NUF2: variants seen among roughly 807,000 people sequenced by gnomAD.
The protein encoded by NUF2 is kinetochore protein Nuf2.
NUF2 carries 34 observed loss-of-function variants against 61.8 expected under a neutral mutation model. That is an observed-to-expected ratio of 0.55 (90% CI 0.42 to 0.73). The LOEUF is 0.73. Ranked by LOEUF, NUF2 falls within the 30% of genes least tolerant of loss-of-function variation. The pLI, the probability that NUF2 is intolerant of heterozygous loss-of-function variation, is 0.00. For synonymous variants in NUF2, 172 were observed against 181.6 expected (o/e 0.95, Z 0.42); for missense variants, 445 against 539.1 (o/e 0.83, Z 1.73).
At chr1:163,333,649 A>G (rs1034465818) in intron 5 of NUF2, among the ~76,000 whole-genome samples, 2 of 152,158 alleles carry the variant, frequency 1.3e-5, no homozygotes, top group African/African-American at 4.8e-5. Context: ...TATCTTTAAC[A>G]TACCATTGTC....
chr1:163,339,254 A>G (rs1650860301), intron 7 of NUF2, 127 bp from the exon 8 acceptor site: 4 of 609,284 alleles, frequency 6.6e-6, no homozygotes, highest in Non-Finnish European at 1.2e-5. Flanking sequence ...TGATTGCCAC[A>G]TGAAAGGGTG....
intron 1 of NUF2, among the ~76,000 whole-genome samples, chr1:163,324,901 T>TTTTCTTTC (rs1650365849): frequency 2.5e-5 from 2 of 80,248 alleles, no homozygotes; most frequent in Non-Finnish European, 5.6e-5. Flanking sequence ...CTTTTCTTTC[T>TTTTCTTTC]TTTTTTTTTT....
At chr1:163,353,236 A>G (rs147655746) in intron 13 of NUF2, among the ~76,000 whole-genome samples, 4 of 142,234 alleles carry the variant, frequency 2.8e-5, no homozygotes, top group South Asian at 2.5e-4. Flanking sequence ...AGTGCTACTT[A>G]TACAAAGTAC....
intron 12 of NUF2, 107 bp downstream of exon 12, chr1:163,348,045 C>A: frequency 1.3e-6 from 1 of 741,848 alleles, no homozygotes; most frequent in South Asian, 2.8e-5. Context: ...AGAGTTTAAA[C>A]AGCTTTATCT....
intron 5 of NUF2, among the ~76,000 whole-genome samples, chr1:163,330,542 G>A (rs1650559908): frequency 6.6e-6 from 1 of 151,834 alleles, no homozygotes; most frequent in Admixed American, 6.6e-5. Flanking sequence ...GGCTATTCTG[G>A]TCCTTTGCAT....
intron 13 of NUF2, among the ~76,000 whole-genome samples, chr1:163,354,910 A>G (rs772898535): frequency 5.9e-5 from 9 of 152,064 alleles, no homozygotes; most frequent in Non-Finnish European, 1.2e-4. Context: ...GTATTAATAT[A>G]TTCTTCAGTC....
chr1:163,341,623 T>TTATG (rs758767777), intron 9 of NUF2, among the ~76,000 whole-genome samples: 116 of 152,122 alleles, frequency 7.6e-4, no homozygotes, highest in Non-Finnish European at 1.2e-3. Flanking sequence ...TTTATTTATT[T>TTATG]TATTTATTTA....
chr1:163,348,573 A>G (rs1402014411), intron 12 of NUF2, among the ~76,000 whole-genome samples: 1 of 152,148 alleles, frequency 6.6e-6, no homozygotes, highest in Non-Finnish European at 1.5e-5. Context: ...TTTGTTGCCA[A>G]ACTGCCTTGT....
At chr1:163,338,961 G>A (rs148381955) in intron 7 of NUF2, among the ~76,000 whole-genome samples, 377 of 152,206 alleles carry the variant, frequency 2.5e-3, no homozygotes, top group African/African-American at 8.8e-3. Flanking sequence ...ATTTGAAAAC[G>A]TTCTTATAGA....
At chr1:163,337,567 T>C (rs1306225136) in intron 6 of NUF2, among the ~76,000 whole-genome samples, 1 of 152,082 alleles carries the variant, frequency 6.6e-6, no homozygotes, top group Non-Finnish European at 1.5e-5. Context: ...TGTGCCAACA[T>C]ACACACACTC....
intron 2 of NUF2, 138 bp downstream of exon 2, chr1:163,326,312 ACCTAGC>A: frequency 4.9e-5 from 33 of 666,816 alleles, no homozygotes; most frequent in Non-Finnish European, 7.0e-5. Context: ...AGAATCTCTC[ACCTAGC>A]ATAATTTAAA....
rs1335212644 is a variant in NUF2 at position 163,322,152 on chromosome 1, C to T, written c.-81C>T. On this transcript the variant is annotated 5_prime_UTR_variant, in exon 1 of 14. Transcript: ENST00000271452. Reference sequence around the variant, plus strand: ...GCGGGCAGGTGCCGGGACGCTGGGCCTGGCGGTGTTTTCGTCGTGCTCAGC... The same window carrying T: ...GCGGGCAGGTGCCGGGACGCTGGGCTTGGCGGTGTTTTCGTCGTGCTCAGC... 6.6e-6 allele frequency: 1 copy of T among 152,342 alleles called. No homozygotes were observed. Among genetic ancestry groups the T allele is most frequent in the Non-Finnish European group, 1.5e-5 (1 of 68,150 alleles). The allele number at this position is 152,342 out of a possible 1,614,324, so 9.4% of individuals were successfully genotyped here. A position where few individuals can be genotyped will look rare whatever the true frequency, so the allele number is the denominator to read the frequency against.
chr1:163,347,392 C>A (rs2292273), intron 11 of NUF2, among the ~76,000 whole-genome samples: 3 of 151,944 alleles, frequency 2.0e-5, no homozygotes, highest in Admixed American at 2.0e-4. Context: ...ATTGTGTTAC[C>A]CAAAAAAGAT....
At chr1:163,347,713 C>T in intron 11 of NUF2, 50 bp from the exon 12 acceptor site, 2 of 1,154,506 alleles carry the variant, frequency 1.7e-6, no homozygotes, top group Non-Finnish European at 2.3e-6. Context: ...CATTTTATTT[C>T]TAAATCCTAA....
At chr1:163,344,231 A>G (rs1299013103) in intron 10 of NUF2, among the ~76,000 whole-genome samples, 1 of 152,158 alleles carries the variant, frequency 6.6e-6, no homozygotes, top group Admixed American at 6.5e-5. Flanking sequence ...AGTATAAGGT[A>G]TGCATGTGTG....
rs182673108 is a variant in NUF2 at position 163,352,427 on chromosome 1, A to G, written c.1261-2908A>G. Among the ~76,000 whole-genome samples, 14 of 152,358 alleles carry G rather than the reference A, an allele frequency of 9.2e-5. No homozygotes were observed. The East Asian group carries it at 2.5e-3, about 27-fold the overall frequency. ...ATACTACACTTTCTTGTTTAAAACAAGGGCCATTTTCCTTCAGTTCATTCA... is the reference window on the plus strand; with the variant it reads ...ATACTACACTTTCTTGTTTAAAACAGGGGCCATTTTCCTTCAGTTCATTCA... On this transcript the variant is annotated intron_variant, in intron 13 of 13. Coordinates refer to ENST00000271452, the MANE Select transcript of NUF2 (RefSeq NM_145697.3).
rs1174086470 is a variant in NUF2, at chr1:163,332,361, A to AT, written c.337+3457dup. 5.3e-5 allele frequency among the ~76,000 whole-genome samples: 8 copies of AT among 152,268 alleles called. No homozygotes were observed. The East Asian group carries it at 1.5e-3, about 29-fold the overall frequency. On this transcript the variant is annotated intron_variant, in intron 5 of 13. Transcript: ENST00000271452. ...AATATACTTTGTATCATTTGAATCC[A>AT]TTTAAATGTATTCACACTTATTTTA...
chr1:163,331,847 C>T (rs1172050990), intron 5 of NUF2, among the ~76,000 whole-genome samples: 1 of 151,840 alleles, frequency 6.6e-6, no homozygotes, highest in Non-Finnish European at 1.5e-5. Flanking sequence ...TCTATCATTT[C>T]TGTCATTAAT....
chr1:163,345,829 T>G lies in NUF2; in HGVS notation c.948+11T>G, dbSNP rs1231594823. The stretch of plus-strand genomic sequence containing the variant: ...AGTATCTTAAAGGAGGTTTGTATTG[T>G]ATGGAATTTTGATGTCTTTATTATA... On this transcript the variant is annotated intron_variant, in intron 11 of 13. Transcript: ENST00000271452. 6.4e-7 allele frequency: 1 copy of G among 1,567,970 alleles called. No individual in the cohort carries two copies. Among genetic ancestry groups the G allele is most frequent in the East Asian group, 2.2e-5 (1 of 44,600 alleles).
Sources: gnomAD v4.1 joint callset for allele counts (sites outside exome capture counted in the v4.1 genomes callset) on GRCh38, gnomAD v4.1.1 for gene constraint, MANE v1.5 for transcripts, NCBI Gene and HGNC (gene_info 2026-07-23, HGNC 2026-07-21) for gene names.